ASCC3: variants seen among roughly 807,000 people sequenced by gnomAD.
ASCC3 encodes activating signal cointegrator 1 complex subunit 3.
A neutral mutation model predicts 256.3 loss-of-function variants in ASCC3; 158 were observed. The observed-to-expected ratio is 0.62, with a 90% confidence interval of 0.54 to 0.70. The LOEUF (loss-of-function observed/expected upper bound fraction) is 0.70, where lower values mean the gene tolerates loss of function less well. Among genes scored for constraint, ASCC3 ranks in the 30% least tolerant of loss-of-function variants. The pLI is 0.00. For missense variants in ASCC3, 2,259 were observed against 2,626.0 expected (o/e 0.86, Z 3.05); for synonymous variants, 948 against 883.4 (o/e 1.07, Z -1.30).
chr6:100,758,318 GC>G (rs147628785), intron 10 of ASCC3, among the ~76,000 whole-genome samples: 1,911 of 152,216 alleles, frequency 0.013, 44 homozygotes, highest in African/African-American at 0.045. Context: ...GTATATGTGT[GC>G]CACGGTGGTT....
Position 100,516,204 on chromosome 6 carries a change from C to T in ASCC3, c.6051G>A (p.Glu2017=). 1.2e-6 allele frequency: 2 copies of T among 1,613,694 alleles called. No individual in the cohort carries two copies. The highest frequency in any genetic ancestry group is 1.7e-6 in the Non-Finnish European group (2 of 1,179,706). ...DHVFSSMVES[E]LHAAKTKQAW... is the part of the protein sequence containing the mutation. ...CCTGTTTCGTTTTTGCAGCATGTAG[C>T]TCACTTTCTACCATGGAGCTAAATA... The change falls in exon 39 of 42, where the codon GAG becomes GAA. Residue 2017 remains glutamate (E), a synonymous_variant. Transcript: ENST00000369162.
chr6:100,661,892 G>A lies in ASCC3; in HGVS notation c.2617C>T (p.Leu873Phe). ...EGIIITTHDK[L>F]SHYLTLLTQR... Reference sequence around the variant, plus strand: ...GTGAGCAAAGTGAGGTAATGGCTGAGTTTATCATGCGTTGTTATAATTATT... The same window carrying A: ...GTGAGCAAAGTGAGGTAATGGCTGAATTTATCATGCGTTGTTATAATTATT... Residue 873 changes from leucine to phenylalanine, a missense_variant, in exon 16 of 42, where the codon CTC (leucine) becomes TTC (phenylalanine). Leu to Phe is a conservative substitution (Grantham distance 22, BLOSUM62 0). Around this residue, in one of 2 missense-constraint regions of ASCC3, gnomAD observed 1,839 missense variants for 2,206.7 expected, o/e 0.83. Transcript: ENST00000369162. The A allele has an allele frequency of 1.2e-6, 2 of 1,613,382 alleles. No homozygotes were observed. The highest frequency in any genetic ancestry group is 2.2e-5 in the East Asian group (1 of 44,844).
chr6:100,583,802 G>C (rs1222663372), intron 36 of ASCC3, among the ~76,000 whole-genome samples: 1 of 152,106 alleles, frequency 6.6e-6, no homozygotes, highest in African/African-American at 2.4e-5. Flanking sequence ...GTTCTCGTTG[G>C]TTTCAAAGAA....
At chr6:100,594,961 C>A (rs1772209092) in intron 34 of ASCC3, among the ~76,000 whole-genome samples, 1 of 152,020 alleles carries the variant, frequency 6.6e-6, no homozygotes, top group Admixed American at 6.6e-5. Context: ...AAGACAAATA[C>A]TGTATGATCT....
intron 8 of ASCC3, among the ~76,000 whole-genome samples, chr6:100,770,333 A>G (rs1294247742): frequency 6.6e-6 from 1 of 151,984 alleles, no homozygotes; most frequent in Non-Finnish European, 1.5e-5. Context: ...GATAGAAGGC[A>G]TCTACAAAAG....
intron 1 of ASCC3, among the ~76,000 whole-genome samples, chr6:100,873,906 C>T (rs1453382946): frequency 6.6e-6 from 1 of 152,148 alleles, no homozygotes; most frequent in Non-Finnish European, 1.5e-5. Context: ...CCTGGAAACA[C>T]ATCAAGTAAA....
chr6:100,635,748 A>G (rs1774810626), intron 25 of ASCC3, among the ~76,000 whole-genome samples: 1 of 152,124 alleles, frequency 6.6e-6, no homozygotes, highest in Non-Finnish European at 1.5e-5. Context: ...TTAAAAAATT[A>G]TGCTTCAAGA....
At chr6:100,878,072 G>C (rs890503525) in intron 1 of ASCC3, among the ~76,000 whole-genome samples, 2 of 152,096 alleles carry the variant, frequency 1.3e-5, no homozygotes, top group African/African-American at 4.8e-5. Context: ...GGTAATCTTA[G>C]CTATTCACAG....
At chr6:100,652,046 T>C (rs1562199791) in intron 18 of ASCC3, among the ~76,000 whole-genome samples, 1 of 151,852 alleles carries the variant, frequency 6.6e-6, no homozygotes, top group Non-Finnish European at 1.5e-5. Context: ...ATCTAGAAAA[T>C]ATGTAGTCTG....
intron 34 of ASCC3, among the ~76,000 whole-genome samples, chr6:100,601,583 G>C (rs1285934474): frequency 6.6e-6 from 1 of 151,886 alleles, no homozygotes; most frequent in Non-Finnish European, 1.5e-5. Context: ...AACTCCTCAG[G>C]ATGGCTTAAG....
intron 25 of ASCC3, among the ~76,000 whole-genome samples, chr6:100,635,810 TATC>T (rs780493258): frequency 3.1e-4 from 47 of 152,122 alleles, no homozygotes; most frequent in Non-Finnish European, 4.7e-4. Flanking sequence ...TATTAAATAA[TATC>T]ATGGCCATTT....
At chr6:100,569,474 C>T (rs1770470443) in intron 36 of ASCC3, among the ~76,000 whole-genome samples, 1 of 152,044 alleles carries the variant, frequency 6.6e-6, no homozygotes, top group East Asian at 1.9e-4. Context: ...GCTCTGCCTC[C>T]TGGGTTCACA....
At chr6:100,690,276 C>T (rs528282470) in intron 13 of ASCC3, among the ~76,000 whole-genome samples, 18 of 152,054 alleles carry the variant, frequency 1.2e-4, no homozygotes, top group Non-Finnish European at 2.6e-4. Context: ...AAAAAGTCTA[C>T]GTGTCCAGTA....
At chr6:100,656,287 G>T (rs969353564) in intron 16 of ASCC3, among the ~76,000 whole-genome samples, 1 of 151,478 alleles carries the variant, frequency 6.6e-6, no homozygotes, top group African/African-American at 2.4e-5. Flanking sequence ...ACCACAGAGG[G>T]GATAACATTA....
rs1432184338 is a variant in ASCC3, at chr6:100,540,232, G to A, written c.5706C>T (p.Ala1902=). The change falls in exon 37 of 42, where the codon GCC becomes GCT. Residue 1902 remains alanine (A), a synonymous_variant. Transcript: ENST00000369162. ...HLLLQAHLSR[A]MLPCPDYDTD... ...TGTCATAATCTGGGCAGGGTAGCAT[G>A]GCTCGGCTGAGATGTGCCTGTAGCA... The A allele has an allele frequency of 6.2e-7, 1 of 1,614,020 alleles. No homozygotes were observed. The highest frequency in any genetic ancestry group is 2.2e-5 in the East Asian group (1 of 44,892).
chr6:100,731,555 T>C (rs1394910210), intron 10 of ASCC3, among the ~76,000 whole-genome samples: 1 of 152,252 alleles, frequency 6.6e-6, no homozygotes, highest in Non-Finnish European at 1.5e-5. Flanking sequence ...AGGCGTCTGC[T>C]ACAACTTAGA....
chr6:100,699,277 T>C (rs1008077038), intron 13 of ASCC3, among the ~76,000 whole-genome samples: 5 of 152,210 alleles, frequency 3.3e-5, no homozygotes, highest in Non-Finnish European at 7.3e-5. Flanking sequence ...TTTCCTGTGC[T>C]GTTCTTGTGA....
intron 4 of ASCC3, among the ~76,000 whole-genome samples, chr6:100,831,186 C>A (rs1397543587): frequency 6.6e-6 from 1 of 151,800 alleles, no homozygotes; most frequent in African/African-American, 2.4e-5. Context: ...TTTTAAATTT[C>A]TTCTAAAAAT....
chr6:100,837,018 A>G (rs1263849336), intron 4 of ASCC3, among the ~76,000 whole-genome samples: 1 of 152,078 alleles, frequency 6.6e-6, no homozygotes, highest in African/African-American at 2.4e-5. Context: ...AAATTAAACA[A>G]CTCGATTGCA....
Sources: allele counts gnomAD v4.1 joint callset (sites outside exome capture counted in the v4.1 genomes callset), GRCh38; gene constraint gnomAD v4.1.1; regional missense constraint gnomAD v4.1.1; transcripts MANE v1.5; gene names NCBI Gene and HGNC (gene_info 2026-07-23, HGNC 2026-07-21).